Variants in TMEM87A observed in about 807,000 individuals in gnomAD.
TMEM87A encodes transmembrane protein 87A.
In TMEM87A, 50 loss-of-function variants were observed where a neutral mutation model predicts 90.0. The observed-to-expected ratio is 0.56, with a 90% CI of 0.44 to 0.70. The LOEUF (loss-of-function observed/expected upper bound fraction) is 0.70. Ranked by LOEUF, TMEM87A falls within the 30% of genes least tolerant of loss-of-function variation. The pLI is 0.00. For synonymous variants in TMEM87A, 226 were observed against 226.7 expected (o/e 1.00, Z 0.03); for missense variants, 577 against 660.5 (o/e 0.87, Z 1.39).
At chr15:42,216,258 G>T (rs1379020663) in intron 19 of TMEM87A, among the ~76,000 whole-genome samples, 1 of 152,106 alleles carries the variant, frequency 6.6e-6, no homozygotes, top group Non-Finnish European at 1.5e-5. Flanking sequence ...TATTCAACAG[G>T]TATAAAATTT....
At chr15:42,220,165 A>G in intron 15 of TMEM87A, 30 bp from the exon 16 acceptor site, 1 of 1,561,634 alleles carries the variant, frequency 6.4e-7, no homozygotes. Flanking sequence ...CAGAAGGAAA[A>G]AATTAGAAAA....
rs994115833 is a variant in TMEM87A at position 42,233,077 on chromosome 15, T to C, written c.1062+136A>G. The C allele has an allele frequency of 4.7e-6, 3 of 632,672 alleles. No homozygotes were observed. In the African/African-American group the frequency reaches 5.5e-5, roughly 12 times the overall value. 39.2% of individuals were successfully genotyped at this position (632,672 alleles called of 1,614,324 possible). On this transcript the variant is annotated intron_variant, in intron 11 of 19. Transcript: ENST00000389834. ...TTTAAAAGAGAACATGAACTATACA[T>C]ATATTTTGAAAATCAGAGCCCAAAA...
chr15:42,272,736 C>G, intron 1 of TMEM87A: 1 of 332,682 alleles, frequency 3.0e-6, no homozygotes, highest in East Asian at 8.2e-5. Flanking sequence ...AAACACATTT[C>G]TTAAATCTCT....
In TMEM87A at chr15:42,228,732, G is replaced by A. The variant is rs990723797; in HGVS notation, c.1220C>T (p.Thr407Met). The A allele has an allele frequency of 5.6e-6, 9 of 1,612,720 alleles. No homozygotes were observed. The highest frequency in any genetic ancestry group is 1.1e-5 in the South Asian group (1 of 90,712). ...CTTACCTGCCACTGCCAAAATAAGC[G>A]TGTTGGTGAAATGCCGATACAAAGA... ...KLSLYRHFTN[T>M]LILAVAASIV... The change falls in exon 13 of 20, where the codon ACG (threonine) becomes ATG (methionine). Residue 407 changes from threonine to methionine, a missense_variant. By Grantham distance (81) the Thr-to-Met change is moderately conservative. Transcript: ENST00000389834.
At chr15:42,260,719 G>A (rs2051270982) in intron 6 of TMEM87A, among the ~76,000 whole-genome samples, 1 of 151,578 alleles carries the variant, frequency 6.6e-6, no homozygotes, top group African/African-American at 2.4e-5. Flanking sequence ...GATATTTATG[G>A]GGGGATAATT....
At chr15:42,222,595 G>C (rs1050483316) in intron 15 of TMEM87A, among the ~76,000 whole-genome samples, 1 of 149,846 alleles carries the variant, frequency 6.7e-6, no homozygotes, top group Admixed American at 6.6e-5. Flanking sequence ...TTTCTCTCTT[G>C]TTGCCCAGGC....
chr15:42,227,027 G>C, intron 14 of TMEM87A, 118 bp from the exon 15 acceptor site: 1 of 931,008 alleles, frequency 1.1e-6, no homozygotes, highest in East Asian at 2.5e-5. Context: ...TTTACTAAGA[G>C]CCTGCTACGT....
chr15:42,245,691 A>AT (rs933190511), intron 6 of TMEM87A, among the ~76,000 whole-genome samples: 3,067 of 145,274 alleles, frequency 0.021, 63 homozygotes, highest in African/African-American at 0.061. Context: ...CACCCAGCTA[A>AT]TTTTTTTTTT....
intron 14 of TMEM87A, 134 bp from the exon 15 acceptor site, chr15:42,227,043 G>A: frequency 1.3e-6 from 1 of 771,414 alleles, no homozygotes; most frequent in Non-Finnish European, 2.1e-6. Flanking sequence ...TACGTGCTCA[G>A]TACTGTGGTA....
chr15:42,220,709 A>T (rs2050463143), intron 15 of TMEM87A, among the ~76,000 whole-genome samples: 1 of 152,210 alleles, frequency 6.6e-6, no homozygotes, highest in South Asian at 2.1e-4. Flanking sequence ...TTCCTTAACA[A>T]CTTCCAAGAG....
intron 11 of TMEM87A, 82 bp from the exon 12 acceptor site, chr15:42,231,342 A>AAATG: frequency 8.6e-7 from 1 of 1,161,542 alleles, no homozygotes; most frequent in Non-Finnish European, 1.2e-6. Flanking sequence ...TTCTGCATTT[A>AAATG]CATAATCACT....
chr15:42,212,960 G>C (rs2050318338), intron 19 of TMEM87A, among the ~76,000 whole-genome samples: 1 of 152,212 alleles, frequency 6.6e-6, no homozygotes, highest in African/African-American at 2.4e-5. Context: ...TCCCTCTACA[G>C]ACACACTGAT....
chr15:42,229,052 G>C (rs1235373098), intron 12 of TMEM87A, among the ~76,000 whole-genome samples: 1 of 151,654 alleles, frequency 6.6e-6, no homozygotes, highest in Non-Finnish European at 1.5e-5. Flanking sequence ...GCCCAGGCTA[G>C]AGTGCAGTGG....
intron 7 of TMEM87A, among the ~76,000 whole-genome samples, chr15:42,241,685 ATTTT>A (rs1411431147): frequency 7.6e-4 from 116 of 152,220 alleles, no homozygotes; most frequent in Non-Finnish European, 2.4e-4. Flanking sequence ...AAAGACGGGT[ATTTT>A]TAAAATGAAA....
intron 6 of TMEM87A, among the ~76,000 whole-genome samples, chr15:42,248,011 A>T (rs181455569): frequency 6.6e-6 from 1 of 152,080 alleles, no homozygotes; most frequent in African/African-American, 2.4e-5. Flanking sequence ...CATCCCTTTT[A>T]AATTGGATTC....
At position 42,267,990 on chromosome 15, in the gene TMEM87A, T is replaced by C. The variant is rs765038441; in HGVS notation, c.248A>G (p.Tyr83Cys). ...ATTGTAACAATCAGCGCTTTTCAGATACCAGGTTATATTCAAAGACAGGTC... is the reference window on the plus strand; with the variant it reads ...ATTGTAACAATCAGCGCTTTTCAGACACCAGGTTATATTCAAAGACAGGTC... ...PCDLSLNITWYLKSADCYNEI... is the reference protein window; with the variant it reads ...PCDLSLNITWCLKSADCYNEI... Residue 83 changes from tyrosine to cysteine, a missense_variant, in exon 3 of 20, where the codon TAT becomes TGT. Coordinates refer to ENST00000389834, the MANE Select transcript of TMEM87A (RefSeq NM_015497.5). 12 of 1,613,596 alleles carry C rather than the reference T, an allele frequency of 7.4e-6. No homozygotes were observed. In the South Asian group the frequency reaches 9.9e-5, roughly 13 times the overall value.
At chr15:42,246,959 T>G (rs1453422446) in intron 6 of TMEM87A, among the ~76,000 whole-genome samples, 1 of 152,190 alleles carries the variant, frequency 6.6e-6, no homozygotes, top group Non-Finnish European at 1.5e-5. Flanking sequence ...GCACCTGTTG[T>G]TTCCTGACTT....
intron 9 of TMEM87A, among the ~76,000 whole-genome samples, chr15:42,237,087 C>A (rs570198301): frequency 2.4e-4 from 36 of 152,306 alleles, no homozygotes; most frequent in Admixed American, 1.3e-4. Context: ...GTGTGTCTTA[C>A]AATCAGTGAC....
intron 15 of TMEM87A, among the ~76,000 whole-genome samples, chr15:42,221,299 G>A (rs980544625): frequency 2.7e-5 from 4 of 150,210 alleles, no homozygotes; most frequent in African/African-American, 7.5e-5. Context: ...GAGAGAGACA[G>A]AGAGAGAGAG....
Sources: gnomAD v4.1 joint callset for allele counts (sites outside exome capture counted in the v4.1 genomes callset) on GRCh38, gnomAD v4.1.1 for gene constraint, MANE v1.5 for transcripts, NCBI Gene and HGNC (gene_info 2026-07-23, HGNC 2026-07-21) for gene names.